GLMN: variants seen among roughly 807,000 people sequenced by gnomAD.
The protein encoded by GLMN is glomulin, FKBP associated protein, also known as glomulin.
In GLMN, 75 loss-of-function variants were observed where a neutral mutation model predicts 87.8. The observed-to-expected ratio is 0.85, with a 90% CI of 0.71 to 1.04. The LOEUF is 1.04. Ranked by LOEUF, GLMN falls within the 50% of genes least tolerant of loss-of-function variation. GLMN has a pLI of 0.00. For synonymous variants in GLMN, 206 were observed against 221.6 expected (o/e 0.93, Z 0.63); for missense variants, 588 against 658.8 (o/e 0.89, Z 1.18).
the GLMN span, among the ~76,000 whole-genome samples, chr1:92,329,746 T>C: frequency 6.6e-6 from 1 of 152,124 alleles, no homozygotes; most frequent in South Asian, 2.1e-4. Flanking sequence ...TAAACTCAAC[T>C]TGATTGAGCT....
chr1:92,333,157 C>T, the GLMN span: 3 of 447,022 alleles, frequency 6.7e-6, no homozygotes, highest in South Asian at 4.7e-5. Flanking sequence ...TATTAATATC[C>T]CAATTATAAA....
At chr1:92,354,650 T>C in the GLMN span, among the ~76,000 whole-genome samples, 1 of 152,136 alleles carries the variant, frequency 6.6e-6, no homozygotes, top group Admixed American at 6.5e-5. Context: ...AAACATTTTA[T>C]TTTATTTGGC....
the GLMN span, among the ~76,000 whole-genome samples, chr1:92,362,288 C>G: frequency 6.6e-6 from 1 of 152,180 alleles, no homozygotes; most frequent in Non-Finnish European, 1.5e-5. Context: ...CTTCCTGCCT[C>G]TGGCTTTTCT....
chr1:92,323,075 TTATA>T, the GLMN span, among the ~76,000 whole-genome samples: 1 of 144,848 alleles, frequency 6.9e-6, no homozygotes, highest in Non-Finnish European at 1.5e-5. Context: ...ATATATATAT[TTATA>T]TATATATATA....
At chr1:92,326,020 T>A in the GLMN span, among the ~76,000 whole-genome samples, 1 of 152,104 alleles carries the variant, frequency 6.6e-6, no homozygotes, top group African/African-American at 2.4e-5. Context: ...TCTGCTAATA[T>A]GCGTATGTAT....
chr1:92,305,432 CAAAAA>C, the GLMN span, among the ~76,000 whole-genome samples: 360 of 52,702 alleles, frequency 6.8e-3, 34 homozygotes, highest in East Asian at 0.31. Flanking sequence ...GGCTCCGTCT[CAAAAA>C]AAAAAAAAAA....
chr1:92,260,818 T>A (rs1654954505), intron 16 of GLMN, among the ~76,000 whole-genome samples: 1 of 151,156 alleles, frequency 6.6e-6, no homozygotes, highest in Non-Finnish European at 1.5e-5. Flanking sequence ...TATCCTTTTC[T>A]TCACCATAAA....
chr1:92,299,745 T>C (rs1650666982), upstream of GLMN, among the ~76,000 whole-genome samples: 1 of 152,234 alleles, frequency 6.6e-6, no homozygotes, highest in Non-Finnish European at 1.5e-5. Context: ...CTATTTCATT[T>C]TGATTTACAC....
the GLMN span, among the ~76,000 whole-genome samples, chr1:92,334,844 C>T: frequency 2.6e-5 from 4 of 151,982 alleles, no homozygotes; most frequent in East Asian, 1.9e-4. Flanking sequence ...AAAAATTAGC[C>T]GGGCGTGGTG....
intron 18 of GLMN, 36 bp from the exon 19 acceptor site, chr1:92,246,682 G>T: frequency 9.5e-7 from 1 of 1,051,686 alleles, no homozygotes. Context: ...TATTAATGCT[G>T]CCTTTAAAGC....
At chr1:92,299,095 T>A (rs1441806626), upstream of GLMN, 2 of 1,519,366 alleles carry the variant, frequency 1.3e-6, no homozygotes, top group South Asian at 2.5e-5. Flanking sequence ...CGCTGGGCCG[T>A]CTTCTGCCGG....
At chr1:92,303,019 C>A (rs1489730967), upstream of GLMN, among the ~76,000 whole-genome samples, 1 of 152,018 alleles carries the variant, frequency 6.6e-6, no homozygotes, top group African/African-American at 2.4e-5. Context: ...GACAACACAG[C>A]GAGACCCTGT....
chr1:92,313,754 G>A, the GLMN span, among the ~76,000 whole-genome samples: 1 of 152,100 alleles, frequency 6.6e-6, no homozygotes, highest in Non-Finnish European at 1.5e-5. Context: ...TCCAATATAA[G>A]GCTGATTTGT....
chr1:92,342,577 T>C, the GLMN span, among the ~76,000 whole-genome samples: 3 of 152,144 alleles, frequency 2.0e-5, no homozygotes, highest in Non-Finnish European at 4.4e-5. Context: ...GGCTGCCAAG[T>C]TGATAATTAC....
At chr1:92,330,832 A>G in the GLMN span, among the ~76,000 whole-genome samples, 2 of 152,194 alleles carry the variant, frequency 1.3e-5, no homozygotes, top group Admixed American at 6.5e-5. Context: ...AGTGCTTACT[A>G]TACAATGTGT....
the GLMN span, among the ~76,000 whole-genome samples, chr1:92,307,592 A>AT: frequency 1.2e-3 from 189 of 152,248 alleles, 3 homozygotes; most frequent in African/African-American, 4.5e-3. Flanking sequence ...AGAATGTTAA[A>AT]TTTTTTCAGA....
upstream of GLMN, among the ~76,000 whole-genome samples, chr1:92,303,388 TG>T (rs1650998106): frequency 6.6e-6 from 1 of 152,206 alleles, no homozygotes; most frequent in Non-Finnish European, 1.5e-5. Flanking sequence ...CTCAAAGTTA[TG>T]AACAAGAATC....
the GLMN span, among the ~76,000 whole-genome samples, chr1:92,348,945 C>T: frequency 6.7e-6 from 1 of 150,318 alleles, no homozygotes; most frequent in African/African-American, 2.4e-5. Flanking sequence ...AATATGGAGA[C>T]TTTAGAAACC....
the GLMN span, among the ~76,000 whole-genome samples, chr1:92,326,667 G>C: frequency 6.6e-6 from 1 of 152,162 alleles, no homozygotes. Flanking sequence ...TGGTTCCCAG[G>C]TCAGTGGAGC....
Sources: gnomAD v4.1 joint callset for allele counts (sites outside exome capture counted in the v4.1 genomes callset) on GRCh38, gnomAD v4.1.1 for gene constraint, MANE v1.5 for transcripts, NCBI Gene and HGNC (gene_info 2026-07-23, HGNC 2026-07-21) for gene names.